DYNC1LI2: variants seen among roughly 807,000 people sequenced by gnomAD.
The protein encoded by DYNC1LI2 is dynein cytoplasmic 1 light intermediate chain 2.
A neutral mutation model predicts 57.8 loss-of-function variants in DYNC1LI2; 19 were observed. The observed-to-expected ratio is 0.33, with a 90% CI of 0.23 to 0.48. The LOEUF (loss-of-function observed/expected upper bound fraction) is 0.48, where lower values mean the gene tolerates loss of function less well. Ranked by LOEUF, DYNC1LI2 falls within the 20% of genes least tolerant of loss-of-function variation. DYNC1LI2 has a pLI of 0.99. For synonymous variants in DYNC1LI2, 256 were observed against 233.4 expected (o/e 1.10, Z -0.88); for missense variants, 470 against 604.2 (o/e 0.78, Z 2.33).
Position 66,723,197 on chromosome 16 carries a change from G to C in DYNC1LI2, c.*525C>G, listed in dbSNP as rs1452698744. The C allele has an allele frequency of 5.1e-6, 2 of 389,954 alleles. No homozygotes were observed. Among genetic ancestry groups the C allele is most frequent in the Admixed American group, 2.9e-5 (1 of 34,444 alleles). The allele number at this position is 389,954 out of a possible 1,614,324, so 24.2% of individuals were successfully genotyped here. Reference sequence around the variant, plus strand: ...TTCTTCAACTTCTACTGAATGCACAGTATTTACTGACACTGCTCATCTCCT... The same window carrying C: ...TTCTTCAACTTCTACTGAATGCACACTATTTACTGACACTGCTCATCTCCT... On this transcript the variant is annotated 3_prime_UTR_variant, in exon 13 of 13. Coordinates refer to ENST00000258198, the MANE Select transcript of DYNC1LI2 (RefSeq NM_006141.3).
intron 6 of DYNC1LI2, chr16:66,733,242 T>C (rs944418707): frequency 2.0e-5 from 3 of 152,226 alleles, no homozygotes; most frequent in African/African-American, 7.2e-5. Context: ...AAATTCTTAA[T>C]AGGAAAGCTT....
In DYNC1LI2 at chr16:66,751,065, G is replaced by C. The variant is rs751411175; in HGVS notation, c.181+208C>G. On this transcript the variant is annotated intron_variant, in intron 2 of 12. Transcript: ENST00000258198. This position sits in a 1 kb window ranked among gnomAD's most constrained non-coding sequence, Gnocchi z 5.2. The stretch of plus-strand genomic sequence containing the variant: ...GAAACAATATGCCGACAACCCCAAA[G>C]CACCACTACGCTCTCCAAAGAGGGC... Among the ~76,000 whole-genome samples, 1 of 152,206 alleles carries C rather than the reference G, an allele frequency of 6.6e-6. No individual in the cohort carries two copies. Among genetic ancestry groups the C allele is most frequent in the Non-Finnish European group, 1.5e-5 (1 of 68,034 alleles).
intron 6 of DYNC1LI2, chr16:66,732,958 A>G (rs1795703637): frequency 1.3e-5 from 2 of 152,318 alleles, no homozygotes; most frequent in Admixed American, 1.3e-4. Context: ...GGGCCATCCC[A>G]AAAAAGATGG....
intron 3 of DYNC1LI2, among the ~76,000 whole-genome samples, chr16:66,746,500 T>C (rs1328893316): frequency 2.0e-5 from 3 of 152,084 alleles, no homozygotes; most frequent in Non-Finnish European, 4.4e-5. Flanking sequence ...TGCAAGCGGG[T>C]GGCCTAAAAA....
At chr16:66,729,926 C>T (rs925312003) in intron 8 of DYNC1LI2, among the ~76,000 whole-genome samples, 186 bp downstream of exon 8, 6 of 152,052 alleles carry the variant, frequency 3.9e-5, no homozygotes, top group African/African-American at 1.2e-4. Context: ...GGATTACAGG[C>T]GCTTGCCACC....
intron 3 of DYNC1LI2, among the ~76,000 whole-genome samples, chr16:66,745,116 C>T (rs952657119): frequency 2.6e-5 from 4 of 152,030 alleles, no homozygotes; most frequent in African/African-American, 9.7e-5. Flanking sequence ...ACCATGTTGG[C>T]TGGGCTAGTC....
At chr16:66,729,169 G>A (rs1487564701) in intron 8 of DYNC1LI2, 70 bp from the exon 9 acceptor site, 19 of 1,550,786 alleles carry the variant, frequency 1.2e-5, no homozygotes, top group African/African-American at 2.7e-5. Flanking sequence ...ACTTCATGCC[G>A]AAAGGAGAGT....
At chr16:66,725,056 C>T (rs1369782356) in intron 12 of DYNC1LI2, among the ~76,000 whole-genome samples, 2 of 151,842 alleles carry the variant, frequency 1.3e-5, no homozygotes, top group Non-Finnish European at 2.9e-5. Flanking sequence ...TGCCTGTAGT[C>T]CCAGCTACTC....
At chr16:66,737,149 T>C (rs780990854) in intron 4 of DYNC1LI2, among the ~76,000 whole-genome samples, 7 of 152,152 alleles carry the variant, frequency 4.6e-5, no homozygotes, top group Non-Finnish European at 7.3e-5. Flanking sequence ...GGTGCACCTG[T>C]AGTCCCAGCT....
chr16:66,726,503 G>A (rs928569286), intron 11 of DYNC1LI2, among the ~76,000 whole-genome samples: 2 of 152,212 alleles, frequency 1.3e-5, no homozygotes, highest in Non-Finnish European at 2.9e-5. Flanking sequence ...ATTTTAAAGT[G>A]ACTCCCTCAG....
At chr16:66,728,028 T>C in intron 10 of DYNC1LI2, 173 bp downstream of exon 10, 1 of 962,952 alleles carries the variant, frequency 1.0e-6, no homozygotes, top group African/African-American at 1.7e-5. Flanking sequence ...TATTCTTTCA[T>C]CAGAAACTTC....
At chr16:66,750,674 C>G (rs1597001254) in intron 2 of DYNC1LI2, among the ~76,000 whole-genome samples, 2 of 152,146 alleles carry the variant, frequency 1.3e-5, no homozygotes, top group South Asian at 4.1e-4. Context: ...GAGCCTGTGC[C>G]CAGCCCACAG....
chr16:66,729,174 G>A lies in DYNC1LI2; in HGVS notation c.1042-75C>T, dbSNP rs1596987088. 4 of 1,529,098 alleles carry A rather than the reference G, an allele frequency of 2.6e-6. No homozygotes were observed. In the East Asian group the frequency reaches 6.7e-5, roughly 26 times the overall value. 94.7% of individuals were successfully genotyped at this position (1,529,098 alleles called of 1,614,324 possible). ...CCACTGTCAAACTTCATGCCGAAAG[G>A]AGAGTCCGAGGCTCAGGCTTCAACA... On this transcript the variant is annotated intron_variant, in intron 8 of 12. Transcript: ENST00000258198.
At chr16:66,726,078 C>T (rs529958953) in intron 11 of DYNC1LI2, 134 bp from the exon 12 acceptor site, 33 of 845,806 alleles carry the variant, frequency 3.9e-5, no homozygotes, top group East Asian at 1.5e-4. Flanking sequence ...TCATTCGCTA[C>T]GATGCCTTTA....
At chr16:66,749,355 C>A in intron 2 of DYNC1LI2, 42 bp from the exon 3 acceptor site, 1 of 1,592,450 alleles carries the variant, frequency 6.3e-7, no homozygotes, top group South Asian at 1.1e-5. Flanking sequence ...CTGTTTATTC[C>A]GGGCAAGGAT....
intron 11 of DYNC1LI2, 37 bp from the exon 12 acceptor site, chr16:66,725,981 A>T: frequency 6.3e-7 from 1 of 1,597,044 alleles, no homozygotes; most frequent in South Asian, 1.1e-5. Flanking sequence ...GCATCATATA[A>T]ACTGGAAGAC....
intron 5 of DYNC1LI2, among the ~76,000 whole-genome samples, chr16:66,735,361 A>G (rs996749489): frequency 1.3e-5 from 2 of 152,086 alleles, no homozygotes; most frequent in Non-Finnish European, 2.9e-5. Context: ...TGAGCCTCCC[A>G]AAGTGCTGGG....
chr16:66,750,442 A>G (rs966638451), intron 2 of DYNC1LI2, among the ~76,000 whole-genome samples: 1 of 152,110 alleles, frequency 6.6e-6, no homozygotes, highest in African/African-American at 2.4e-5. Context: ...CACCAACCAC[A>G]AGGCGCTTCT....
chr16:66,734,024 G>A (rs1012863665), intron 6 of DYNC1LI2, 194 bp downstream of exon 6: 3 of 545,820 alleles, frequency 5.5e-6, no homozygotes, highest in Non-Finnish European at 9.7e-6. Flanking sequence ...ACAAATAAAT[G>A]AGTGATCAAA....
Sources: gnomAD v4.1 joint callset for allele counts (sites outside exome capture counted in the v4.1 genomes callset) on GRCh38, gnomAD v4.1.1 for gene constraint, Gnocchi (gnomAD v3.1) non-coding constraint, MANE v1.5 for transcripts, NCBI Gene and HGNC (gene_info 2026-07-23, HGNC 2026-07-21) for gene names.